CCSER1: variants seen among roughly 807,000 people sequenced by gnomAD.
The protein encoded by CCSER1 is serine-rich coiled-coil domain-containing protein 1.
A neutral mutation model predicts 82.0 loss-of-function variants in CCSER1; 41 were observed. The observed-to-expected ratio is 0.50, with a 90% CI of 0.39 to 0.65. CCSER1 has a LOEUF of 0.65. Ranked by LOEUF, CCSER1 falls within the 30% of genes least tolerant of loss-of-function variation. The pLI, the probability that CCSER1 is intolerant of heterozygous loss-of-function variation, is 0.00. For missense variants in CCSER1, 1,119 were observed against 1,064.2 expected (o/e 1.05, Z -0.72); for synonymous variants, 414 against 383.9 (o/e 1.08, Z -0.92).
At chr4:91,570,800 T>G (rs1763139987) in intron 10 of CCSER1, among the ~76,000 whole-genome samples, 1 of 152,196 alleles carries the variant, frequency 6.6e-6, no homozygotes, top group Non-Finnish European at 1.5e-5. Context: ...GTCTTGCTGA[T>G]TAACATTTGG....
At chr4:90,516,997 T>C (rs1772374262) in intron 5 of CCSER1, among the ~76,000 whole-genome samples, 1 of 152,158 alleles carries the variant, frequency 6.6e-6, no homozygotes, top group African/African-American at 2.4e-5. Context: ...CAACTTACGA[T>C]GGGGTTACAT....
At chr4:91,412,923 AAAG>A (rs1753143611) in intron 10 of CCSER1, among the ~76,000 whole-genome samples, 2 of 146,380 alleles carry the variant, frequency 1.4e-5, no homozygotes, top group African/African-American at 5.2e-5. Context: ...TAATGATTGT[AAAG>A]AAGGTCAATG....
At chr4:91,244,109 C>T (rs557594521) in intron 10 of CCSER1, among the ~76,000 whole-genome samples, 1 of 152,250 alleles carries the variant, frequency 6.6e-6, no homozygotes, top group South Asian at 2.1e-4. Flanking sequence ...TTTAAATGAA[C>T]ATTTGTGGTG....
chr4:91,535,628 T>A (rs1761259530), intron 10 of CCSER1, among the ~76,000 whole-genome samples: 2 of 152,014 alleles, frequency 1.3e-5, no homozygotes, highest in African/African-American at 4.8e-5. Flanking sequence ...ATTTATCAGT[T>A]TTAAAATCAG....
intron 9 of CCSER1, among the ~76,000 whole-genome samples, chr4:91,048,569 C>A (rs955355144): frequency 1.3e-5 from 2 of 151,928 alleles, no homozygotes; most frequent in African/African-American, 2.4e-5. Flanking sequence ...GGACAGGCTA[C>A]AATAAGAGAG....
At chr4:91,411,485 TATATAC>T (rs1425012849) in intron 10 of CCSER1, among the ~76,000 whole-genome samples, 1 of 50,450 alleles carries the variant, frequency 2.0e-5, no homozygotes, top group Admixed American at 2.4e-4. Flanking sequence ...AATTTCTGCA[TATATAC>T]ATATATATAT....
chr4:91,237,617 G>T (rs572267047), intron 10 of CCSER1, among the ~76,000 whole-genome samples: 25 of 151,950 alleles, frequency 1.6e-4, no homozygotes, highest in African/African-American at 6.0e-4. Flanking sequence ...TTCTTATTTG[G>T]GGTTTTGAAG....
intron 5 of CCSER1, among the ~76,000 whole-genome samples, chr4:90,494,309 A>G (rs1474579327): frequency 6.6e-6 from 1 of 152,296 alleles, no homozygotes; most frequent in East Asian, 1.9e-4. Context: ...CCCACACAAT[A>G]ATAATGGGAG....
At chr4:90,259,194 T>C (rs1723880834) in intron 1 of CCSER1, among the ~76,000 whole-genome samples, 1 of 152,150 alleles carries the variant, frequency 6.6e-6, no homozygotes, top group Non-Finnish European at 1.5e-5. Flanking sequence ...TTTCACCTTT[T>C]TAGTTAAGTA....
At chr4:91,548,666 A>G (rs964014631) in intron 10 of CCSER1, among the ~76,000 whole-genome samples, 2 of 151,890 alleles carry the variant, frequency 1.3e-5, no homozygotes, top group Non-Finnish European at 2.9e-5. Context: ...CAATATTTTA[A>G]ATATTCTATT....
At chr4:90,768,374 C>T (rs1751578293) in intron 7 of CCSER1, among the ~76,000 whole-genome samples, 1 of 152,178 alleles carries the variant, frequency 6.6e-6, no homozygotes, top group African/African-American at 2.4e-5. Context: ...CCAACATAAG[C>T]TAGGCCTAAT....
intron 7 of CCSER1, chr4:90,724,616 T>A (rs572579646): frequency 3.8e-5 from 13 of 343,680 alleles, no homozygotes; most frequent in African/African-American, 2.6e-4. Context: ...GATCAACTAT[T>A]TTATGTTTGT....
At chr4:91,249,948 AAT>A (rs1740123558) in intron 10 of CCSER1, among the ~76,000 whole-genome samples, 1 of 132,832 alleles carries the variant, frequency 7.5e-6, no homozygotes, top group African/African-American at 3.3e-5. Flanking sequence ...AGTCCTGAAT[AAT>A]AAAAAAAAAA....
At chr4:91,381,459 T>C (rs1750883890) in intron 10 of CCSER1, among the ~76,000 whole-genome samples, 1 of 152,088 alleles carries the variant, frequency 6.6e-6, no homozygotes, top group African/African-American at 2.4e-5. Flanking sequence ...TTTACTCTTT[T>C]TTCTGTAAAC....
At chr4:91,305,165 G>A (rs1744956540) in intron 10 of CCSER1, among the ~76,000 whole-genome samples, 2 of 151,860 alleles carry the variant, frequency 1.3e-5, no homozygotes, top group Non-Finnish European at 2.9e-5. Context: ...TTCTTTTCAA[G>A]TTATTAGATT....
intron 9 of CCSER1, among the ~76,000 whole-genome samples, chr4:90,987,206 G>T (rs1476341608): frequency 3.3e-5 from 5 of 151,092 alleles, no homozygotes; most frequent in African/African-American, 1.2e-4. Flanking sequence ...TGTTTTTCAA[G>T]TCAAGTAGAA....
At chr4:91,546,810 A>T (rs1161443289) in intron 10 of CCSER1, among the ~76,000 whole-genome samples, 4 of 151,782 alleles carry the variant, frequency 2.6e-5, no homozygotes, top group Admixed American at 2.0e-4. Flanking sequence ...TCTTGTGGAT[A>T]TTTACATGAT....
chr4:91,017,529 A>G (rs1365360864), intron 9 of CCSER1, among the ~76,000 whole-genome samples: 1 of 152,114 alleles, frequency 6.6e-6, no homozygotes, highest in Non-Finnish European at 1.5e-5. Context: ...TCTAGTCCCC[A>G]TTAGTTATCA....
intron 8 of CCSER1, among the ~76,000 whole-genome samples, chr4:90,827,795 G>A (rs7688734): frequency 0.029 from 4,381 of 152,088 alleles, 203 homozygotes; most frequent in African/African-American, 0.095. Flanking sequence ...ATCTGACAAC[G>A]GGCAGATTAA....
Sources: allele counts gnomAD v4.1 joint callset (sites outside exome capture counted in the v4.1 genomes callset), GRCh38; gene constraint gnomAD v4.1.1; transcripts MANE v1.5; gene names NCBI Gene and HGNC (gene_info 2026-07-23, HGNC 2026-07-21).